BLOC1S5: variants seen among roughly 807,000 people sequenced by gnomAD.
BLOC1S5 encodes the protein biogenesis of lysosome-related organelles complex 1 subunit 5.
A neutral mutation model predicts 24.3 loss-of-function variants in BLOC1S5; 27 were observed. That is an observed-to-expected ratio of 1.11 (90% CI 0.82 to 1.53). The LOEUF (loss-of-function observed/expected upper bound fraction) is 1.53. Ranked by LOEUF, BLOC1S5 falls within the 40% of genes most tolerant of loss-of-function variation. The pLI, the probability that BLOC1S5 is intolerant of heterozygous loss-of-function variation, is 0.00. For synonymous variants in BLOC1S5, 84 were observed against 74.5 expected (o/e 1.13, Z -0.66); for missense variants, 239 against 229.4 (o/e 1.04, Z -0.27).
In BLOC1S5 at chr6:8,015,525, AT is replaced by A; in HGVS notation, c.*123del. ...TGCCAGTAGAAACTTCTTTCTTCTG[AT>A]ATAAGAGTGCCACTGAATATATTGC... is the stretch of plus-strand genomic sequence containing the variant. On this transcript the variant is annotated 3_prime_UTR_variant, in exon 5 of 5. Transcript: ENST00000397457. The A allele has an allele frequency of 1.0e-6, 1 of 980,964 alleles. No homozygotes were observed. Among genetic ancestry groups the A allele is most frequent in the Non-Finnish European group, 1.5e-6 (1 of 678,770 alleles). The allele number at this position is 980,964 out of a possible 1,614,324, so 60.8% of individuals were successfully genotyped here.
intron 2 of BLOC1S5, 126 bp downstream of exon 2, chr6:8,062,408 T>G: frequency 1.6e-6 from 1 of 634,636 alleles, no homozygotes; most frequent in East Asian, 2.9e-5. Context: ...CTTCATCATT[T>G]TTACTTTGTA....
intron 2 of BLOC1S5, among the ~76,000 whole-genome samples, chr6:8,059,088 T>C (rs1764428120): frequency 6.6e-6 from 1 of 152,212 alleles, no homozygotes; most frequent in African/African-American, 2.4e-5. Flanking sequence ...CCTCCAAGGC[T>C]AGAAAGACAG....
chr6:8,022,831 G>A (rs938768442), intron 4 of BLOC1S5, among the ~76,000 whole-genome samples: 6 of 140,756 alleles, frequency 4.3e-5, no homozygotes, highest in Admixed American at 1.4e-4. Context: ...TGATCCGCCC[G>A]CCTCGGCCTC....
intron 2 of BLOC1S5, among the ~76,000 whole-genome samples, chr6:8,058,677 G>A (rs758517235): frequency 2.6e-5 from 4 of 152,118 alleles, no homozygotes; most frequent in African/African-American, 7.2e-5. Context: ...GTTACAGAGC[G>A]TGACCCTGTC....
At chr6:8,043,219 C>T (rs2113567618) in intron 2 of BLOC1S5, among the ~76,000 whole-genome samples, 1 of 152,176 alleles carries the variant, frequency 6.6e-6, no homozygotes, top group South Asian at 2.1e-4. Context: ...GTGGGTTATA[C>T]TTAGTAACTT....
chr6:8,022,940 T>C (rs1475567498), intron 4 of BLOC1S5, among the ~76,000 whole-genome samples: 1 of 152,194 alleles, frequency 6.6e-6, no homozygotes, highest in East Asian at 1.9e-4. Flanking sequence ...CTCATGAAAG[T>C]AATCATAAAG....
At chr6:8,037,389 C>T (rs1763523143) in intron 3 of BLOC1S5, among the ~76,000 whole-genome samples, 1 of 151,952 alleles carries the variant, frequency 6.6e-6, no homozygotes, top group Non-Finnish European at 1.5e-5. Flanking sequence ...CTACAAAGAA[C>T]ATAAAATACC....
In BLOC1S5 at chr6:8,041,129, G is replaced by T. The variant is rs1320396508; in HGVS notation, c.325+10C>A. On this transcript the variant is annotated intron_variant, in intron 3 of 4. Coordinates refer to ENST00000397457, the MANE Select transcript of BLOC1S5 (RefSeq NM_201280.3). ...AATGAAAAGCAATTAAAAAAGAATT[G>T]CTGACTCACATCTCTGGAGAACCTG... 6 of 1,562,808 alleles carry T rather than the reference G, an allele frequency of 3.8e-6. No individual in the cohort carries two copies. Among genetic ancestry groups the T allele is most frequent in the African/African-American group, 1.4e-5 (1 of 72,214 alleles).
Position 8,029,715 on chromosome 6 carries a change from G to T in BLOC1S5, c.326-3290C>A, listed in dbSNP as rs144376537. On this transcript the variant is annotated intron_variant, in intron 3 of 4. Coordinates refer to ENST00000397457, the MANE Select transcript of BLOC1S5 (RefSeq NM_201280.3). The stretch of plus-strand genomic sequence containing the variant: ...CTAGCCAGCCTTCCCACACTAACGA[G>T]ATATCCCTTTGCGGACCTCCCCCAT... Among the ~76,000 whole-genome samples the T allele has an allele frequency of 5.6e-3, 847 of 152,278 alleles. 2 individuals are homozygous for T. The highest frequency in any genetic ancestry group is 9.5e-3 in the Non-Finnish European group (648 of 68,022).
intron 2 of BLOC1S5, among the ~76,000 whole-genome samples, chr6:8,051,737 A>G (rs1764111426): frequency 6.6e-6 from 1 of 152,190 alleles, no homozygotes; most frequent in African/African-American, 2.4e-5. Context: ...AGGGTCATAA[A>G]GAATTATGCT....
intron 3 of BLOC1S5, among the ~76,000 whole-genome samples, chr6:8,035,367 A>AAAG (rs1763452308): frequency 1.3e-5 from 2 of 150,800 alleles, no homozygotes; most frequent in African/African-American, 4.9e-5. Flanking sequence ...TTTAAAAAAA[A>AAAG]GGCATAGAGT....
At chr6:8,049,197 C>G (rs1242511542) in intron 2 of BLOC1S5, among the ~76,000 whole-genome samples, 3 of 151,770 alleles carry the variant, frequency 2.0e-5, no homozygotes, top group African/African-American at 7.3e-5. Context: ...ATGGTGAAAC[C>G]CCATCTCTAC....
At chr6:8,017,349 G>T (rs1762777556) in intron 4 of BLOC1S5, among the ~76,000 whole-genome samples, 1 of 151,644 alleles carries the variant, frequency 6.6e-6, no homozygotes, top group Non-Finnish European at 1.5e-5. Flanking sequence ...CTGAACTCCA[G>T]CCTGGGTAAC....
intron 2 of BLOC1S5, among the ~76,000 whole-genome samples, chr6:8,042,299 C>G (rs550111893): frequency 6.6e-6 from 1 of 152,232 alleles, no homozygotes; most frequent in South Asian, 2.1e-4. Flanking sequence ...TATCTGATTC[C>G]CTTTCTTTTC....
rs1763652537 is a variant in BLOC1S5, at chr6:8,040,821, A to G, written c.325+318T>C. 2.6e-5 allele frequency among the ~76,000 whole-genome samples: 4 copies of G among 151,792 alleles called. No homozygotes were observed. In the East Asian group the frequency reaches 7.8e-4, roughly 29 times the overall value. Reference sequence around the variant, plus strand: ...TAGTGAGCTGAGATTGCACCACTGCACTCCAGCCTGGGACACAGAGTGAGA... The same window carrying G: ...TAGTGAGCTGAGATTGCACCACTGCGCTCCAGCCTGGGACACAGAGTGAGA... On this transcript the variant is annotated intron_variant, in intron 3 of 4. Coordinates refer to ENST00000397457, the MANE Select transcript of BLOC1S5 (RefSeq NM_201280.3).
intron 3 of BLOC1S5, chr6:8,027,464 A>G (rs1763147051): frequency 2.2e-6 from 1 of 456,690 alleles, no homozygotes; most frequent in East Asian, 6.9e-5. Context: ...AAATGAGAAC[A>G]CAGTACATAC....
chr6:8,053,185 G>C (rs1017439488), intron 2 of BLOC1S5, among the ~76,000 whole-genome samples: 1 of 152,140 alleles, frequency 6.6e-6, no homozygotes, highest in Non-Finnish European at 1.5e-5. Flanking sequence ...ACAATAAAAG[G>C]TTTAGAATAT....
At chr6:8,054,265 C>T (rs763321872) in intron 2 of BLOC1S5, 12 of 452,402 alleles carry the variant, frequency 2.7e-5, no homozygotes, top group African/African-American at 4.0e-5. Flanking sequence ...TTCACATACA[C>T]TCACCATCTC....
Position 8,026,367 on chromosome 6 carries a change from C to CT in BLOC1S5, c.383dup (p.Ile129AspfsTer3). 6.2e-7 allele frequency: 1 copy of CT among 1,603,172 alleles called. No individual in the cohort carries two copies. Among genetic ancestry groups the CT allele is most frequent in the South Asian group, 1.1e-5 (1 of 90,692 alleles). ...CCTCATTATCTAAATGATCTTTTAC[C>CT]TTTTTTCGTTCCTGTTCCCTCTGTT... is the stretch of plus-strand genomic sequence containing the variant. On this transcript the variant is annotated frameshift_variant and splice_region_variant, in exon 4 of 5. Coordinates refer to ENST00000397457, the MANE Select transcript of BLOC1S5 (RefSeq NM_201280.3). LOFTEE classifies it high-confidence loss of function.
Sources: gnomAD v4.1 joint callset for allele counts (sites outside exome capture counted in the v4.1 genomes callset) on GRCh38, gnomAD v4.1.1 for gene constraint, MANE v1.5 for transcripts, NCBI Gene and HGNC (gene_info 2026-07-23, HGNC 2026-07-21) for gene names.